Variants in DYM observed in about 807,000 individuals in gnomAD.
DYM encodes dyggve-Melchior-Clausen syndrome protein.
In DYM, 78 loss-of-function variants were observed where a neutral mutation model predicts 93.1. That is an observed-to-expected ratio of 0.84 (90% CI 0.70 to 1.01). The LOEUF is 1.01. DYM is among the 50% of genes least tolerant of loss of function. The probability of loss-of-function intolerance (pLI) is 0.00; values close to 1 mark genes in which losing one functional copy is unlikely to be tolerated. For synonymous variants in DYM, 321 were observed against 319.7 expected (o/e 1.00, Z -0.04); for missense variants, 789 against 845.0 (o/e 0.93, Z 0.82).
chr18:49,154,761 T>C (rs2086198616), intron 15 of DYM, among the ~76,000 whole-genome samples: 2 of 150,190 alleles, frequency 1.3e-5, no homozygotes, highest in African/African-American at 4.9e-5. Context: ...GGAAAGCAAG[T>C]TGCATGTATA....
chr18:49,059,180 GCC>G (rs1435956683), intron 17 of DYM, among the ~76,000 whole-genome samples: 3 of 152,192 alleles, frequency 2.0e-5, no homozygotes, highest in African/African-American at 7.2e-5. Flanking sequence ...ACCACAGCCA[GCC>G]AGCTAGTCCC....
intron 8 of DYM, among the ~76,000 whole-genome samples, chr18:49,327,880 G>C (rs2063012728): frequency 6.6e-6 from 1 of 152,172 alleles, no homozygotes; most frequent in South Asian, 2.1e-4. Flanking sequence ...ACAGATGTTG[G>C]ATGGCGCTCT....
intron 17 of DYM, among the ~76,000 whole-genome samples, chr18:49,078,288 A>C (rs2077479987): frequency 6.6e-6 from 1 of 152,126 alleles, no homozygotes; most frequent in Non-Finnish European, 1.5e-5. Flanking sequence ...GCTTGAGGGG[A>C]TGGATACCCC....
intron 11 of DYM, among the ~76,000 whole-genome samples, chr18:49,267,278 G>T (rs888820759): frequency 6.6e-6 from 1 of 151,184 alleles, no homozygotes; most frequent in African/African-American, 2.4e-5. Flanking sequence ...TAAAAGAAAT[G>T]TACAAATTCC....
intron 8 of DYM, among the ~76,000 whole-genome samples, chr18:49,290,703 A>G (rs953912405): frequency 3.9e-5 from 6 of 152,090 alleles, no homozygotes; most frequent in African/African-American, 1.4e-4. Context: ...AGAACTTGCA[A>G]ATACACATAT....
chr18:49,189,534 T>G (rs1338692458), intron 14 of DYM, among the ~76,000 whole-genome samples: 1 of 152,110 alleles, frequency 6.6e-6, no homozygotes, highest in Non-Finnish European at 1.5e-5. Flanking sequence ...AGCCCAGAAA[T>G]GACCAAATAA....
chr18:49,250,857 G>A (rs572017941), intron 13 of DYM, among the ~76,000 whole-genome samples: 24 of 152,376 alleles, frequency 1.6e-4, no homozygotes, highest in African/African-American at 5.5e-4. Flanking sequence ...AGCAGAAGCA[G>A]TGGGTATATG....
chr18:49,087,691 C>T (rs962236815), intron 17 of DYM, among the ~76,000 whole-genome samples: 6 of 152,184 alleles, frequency 3.9e-5, no homozygotes, highest in Admixed American at 1.3e-4. Context: ...GAGGAATCGC[C>T]ACACTGACTT....
intron 16 of DYM, among the ~76,000 whole-genome samples, chr18:49,099,709 G>T (rs940499748): frequency 2.0e-5 from 3 of 152,074 alleles, no homozygotes; most frequent in African/African-American, 7.2e-5. Context: ...AATTTCACAT[G>T]ACCATCAGCA....
At position 49,227,447 on chromosome 18, in the gene DYM, A is replaced by C. The variant is rs578179243; in HGVS notation, c.1461-17732T>G. ...GTTTAAAGTCTATTGGAGTCATTAA[A>C]ATAAGAACAAGTTTTCATATATATA... On this transcript the variant is annotated intron_variant, in intron 13 of 17. Transcript: ENST00000675505. Among the ~76,000 whole-genome samples the C allele has an allele frequency of 5.9e-5, 9 of 152,328 alleles. No individual in the cohort carries two copies. The South Asian group carries it at 1.7e-3, about 28-fold the overall frequency.
Position 49,163,762 on chromosome 18 carries a change from G to GC in DYM, c.1650_1651insG (p.His551AlafsTer19). 1 of 1,611,316 alleles carries GC rather than the reference G, an allele frequency of 6.2e-7. No homozygotes were observed. Among genetic ancestry groups the GC allele is most frequent in the Non-Finnish European group, 8.5e-7 (1 of 1,178,392 alleles). Reference sequence around the variant, plus strand: ...GTGGCTTGTTCCAGAACTTTGTTGTGTTTTTTAGACAGCAAAGAAAATAAA... The same window carrying GC: ...GTGGCTTGTTCCAGAACTTTGTTGTGCTTTTTTAGACAGCAAAGAAAATAAA... On this transcript the variant is annotated frameshift_variant, in exon 15 of 18. Coordinates refer to ENST00000675505, the MANE Select transcript of DYM (RefSeq NM_001353214.3). LOFTEE classifies it high-confidence loss of function.
chr18:49,454,045 G>A (rs2082755784), intron 1 of DYM, among the ~76,000 whole-genome samples: 1 of 152,194 alleles, frequency 6.6e-6, no homozygotes, highest in Non-Finnish European at 1.5e-5. Context: ...AACTCCAAAT[G>A]ATGCTGCAGA....
chr18:49,216,069 G>A (rs1399581717), intron 13 of DYM, among the ~76,000 whole-genome samples: 5 of 152,206 alleles, frequency 3.3e-5, no homozygotes, highest in Admixed American at 6.5e-5. Flanking sequence ...TTTTCCGATG[G>A]GCTTAAAAAA....
At chr18:49,313,147 G>C (rs2061699514) in intron 8 of DYM, among the ~76,000 whole-genome samples, 1 of 152,084 alleles carries the variant, frequency 6.6e-6, no homozygotes, top group Admixed American at 6.5e-5. Context: ...ACAGGATACA[G>C]GTCATAAAGA....
At chr18:49,126,328 A>G (rs968184573) in intron 15 of DYM, 6 of 152,228 alleles carry the variant, frequency 3.9e-5, no homozygotes, top group Admixed American at 3.9e-4. Flanking sequence ...ATTTACTAAA[A>G]ACAAAGTATC....
chr18:49,350,716 GA>G (rs2065034655), intron 6 of DYM, among the ~76,000 whole-genome samples: 1 of 54,802 alleles, frequency 1.8e-5, no homozygotes. Context: ...AAGAAAAAAA[GA>G]AAAAAAAAGA....
rs146772642 is a variant in DYM, at chr18:49,253,581, C to G, written c.1460+3429G>C. On this transcript the variant is annotated intron_variant, in intron 13 of 17. Coordinates refer to ENST00000675505, the MANE Select transcript of DYM (RefSeq NM_001353214.3). ...AGACTCTGATCCAGTAGGTCAAAAGCCACACCTACACTCCGCACTTCCAAC... is the reference window on the plus strand; with the variant it reads ...AGACTCTGATCCAGTAGGTCAAAAGGCACACCTACACTCCGCACTTCCAAC... 3.5e-3 allele frequency among the ~76,000 whole-genome samples: 540 copies of G among 152,300 alleles called. 3 individuals carry two copies. The highest frequency in any genetic ancestry group is 0.01 in the Middle Eastern group (3 of 294).
intron 6 of DYM, among the ~76,000 whole-genome samples, chr18:49,357,652 T>A (rs2065680783): frequency 6.6e-6 from 1 of 152,212 alleles, no homozygotes; most frequent in Non-Finnish European, 1.5e-5. Flanking sequence ...GTGAACAGGT[T>A]AGACCCTTAC....
chr18:49,177,371 G>A (rs1474168452), intron 14 of DYM, among the ~76,000 whole-genome samples: 1 of 152,178 alleles, frequency 6.6e-6, no homozygotes, highest in Non-Finnish European at 1.5e-5. Context: ...AAATGCTGCA[G>A]AGTACCTATA....
Sources: gnomAD v4.1 joint callset for allele counts (sites outside exome capture counted in the v4.1 genomes callset) on GRCh38, gnomAD v4.1.1 for gene constraint, MANE v1.5 for transcripts, NCBI Gene and HGNC (gene_info 2026-07-23, HGNC 2026-07-21) for gene names.